Variants in CSPP1 observed in about 807,000 individuals in gnomAD.
The protein encoded by CSPP1 is centrosome and spindle pole-associated protein 1.
Under a neutral mutation model 164.4 loss-of-function variants are expected in CSPP1, and 126 were observed. The ratio of observed to expected loss-of-function variants is 0.77; its 90% CI spans 0.66 to 0.89. The LOEUF is 0.89. CSPP1 is among the 40% of genes least tolerant of loss of function. The pLI is 0.00. For missense variants in CSPP1, 1,395 were observed against 1,449.8 expected (o/e 0.96, Z 0.61); for synonymous variants, 472 against 476.7 (o/e 0.99, Z 0.13).
intron 15 of CSPP1, among the ~76,000 whole-genome samples, chr8:67,128,674 A>T (rs755154257): frequency 6.6e-6 from 1 of 152,204 alleles, no homozygotes; most frequent in African/African-American, 2.4e-5. Context: ...TAAGACCAGT[A>T]TGAAATGGAA....
Position 67,137,594 on chromosome 8 carries a change from A to AGTACGTT in CSPP1, c.1966_1967insGTACGTT (p.Asn656SerfsTer7). 1 of 1,543,318 alleles carries AGTACGTT rather than the reference A, an allele frequency of 6.5e-7. No homozygotes were observed. ...TGCTCCTCTCAGGGATGCAAAAGGA[A>AGTACGTT]ATCTGATAAGTACGTTATTTCTACT... On this transcript the variant is annotated frameshift_variant, in exon 17 of 31. Transcript: ENST00000678616. LOFTEE classifies it high-confidence loss of function.
intron 1 of CSPP1, 30 bp downstream of exon 1, chr8:67,064,568 T>G (rs1432094621): frequency 9.0e-6 from 14 of 1,557,486 alleles, no homozygotes; most frequent in Non-Finnish European, 1.2e-5. Flanking sequence ...AGGTTGAGGG[T>G]GGAGGGTCCT....
At chr8:67,158,398 T>C in intron 19 of CSPP1, 49 bp from the exon 20 acceptor site, 3 of 1,490,804 alleles carry the variant, frequency 2.0e-6, no homozygotes, top group Non-Finnish European at 2.7e-6. Flanking sequence ...AGTGATATTC[T>C]AACTTTTCAA....
intron 9 of CSPP1, among the ~76,000 whole-genome samples, chr8:67,108,853 G>T (rs1193193188): frequency 6.6e-6 from 1 of 152,170 alleles, no homozygotes; most frequent in African/African-American, 2.4e-5. Context: ...TGCTATATAA[G>T]AGTGTGGGAT....
chr8:67,101,686 G>A (rs1814154443), intron 7 of CSPP1, among the ~76,000 whole-genome samples: 1 of 152,186 alleles, frequency 6.6e-6, no homozygotes, highest in South Asian at 2.1e-4. Context: ...TTTCTCCACA[G>A]ATGATATTGA....
chr8:67,145,411 A>G (rs767600178), intron 17 of CSPP1, among the ~76,000 whole-genome samples: 1 of 149,560 alleles, frequency 6.7e-6, no homozygotes, highest in Non-Finnish European at 1.5e-5. Flanking sequence ...GTTTTCATTG[A>G]TTTTTTTTCT....
chr8:67,088,081 CT>C (rs1169676015), intron 4 of CSPP1, among the ~76,000 whole-genome samples: 1 of 152,176 alleles, frequency 6.6e-6, no homozygotes. Context: ...ACCTCATTAT[CT>C]TCCCCTTCCC....
intron 3 of CSPP1, among the ~76,000 whole-genome samples, chr8:67,078,906 G>A (rs1437993273): frequency 1.3e-5 from 2 of 152,078 alleles, no homozygotes; most frequent in Admixed American, 1.3e-4. Context: ...CTAGGAGGCG[G>A]AGGTTGCAGT....
intron 7 of CSPP1, among the ~76,000 whole-genome samples, chr8:67,100,034 T>C (rs1286845789): frequency 6.6e-6 from 1 of 152,192 alleles, no homozygotes; most frequent in Non-Finnish European, 1.5e-5. Context: ...CCTAAGATTT[T>C]ATTATCTTTT....
rs769879518 is a variant in CSPP1, at chr8:67,112,009, G to C, written c.1131G>C (p.Glu377Asp). ...GAGAACTTATTCAGAGAAGGAAAGA[G>C]AAATACAGACTAGAACTGTTGGAAC... ...EDRELIQRRK[E>D]KYRLELLEQM... The change falls in exon 10 of 31, where the codon GAG (glutamate) becomes GAC (aspartate). Residue 377 changes from glutamate (E) to aspartate (D), a missense_variant. Glu to Asp is a conservative substitution (Grantham distance 45). Transcript: ENST00000678616. 1.2e-6 allele frequency: 2 copies of C among 1,611,788 alleles called. No individual in the cohort carries two copies. The highest frequency in any genetic ancestry group is 2.2e-5 in the East Asian group (1 of 44,678).
At chr8:67,122,956 G>C (rs2129552283) in intron 15 of CSPP1, 1 of 152,958 alleles carries the variant, frequency 6.5e-6, no homozygotes, top group Non-Finnish European at 1.5e-5. Flanking sequence ...GAATACAGTT[G>C]TGAGACCATA....
intron 17 of CSPP1, 146 bp downstream of exon 17, chr8:67,137,749 AAATAT>A (rs1293995862): frequency 3.5e-5 from 15 of 423,750 alleles, no homozygotes; most frequent in Admixed American, 1.3e-4. Flanking sequence ...TTTTAAGAGT[AAATAT>A]AATAACAGAG....
At chr8:67,099,889 C>T (rs1813667623) in intron 7 of CSPP1, among the ~76,000 whole-genome samples, 1 of 151,972 alleles carries the variant, frequency 6.6e-6, no homozygotes, top group Admixed American at 6.6e-5. Flanking sequence ...AATTTCCCTT[C>T]AAGGTTTCTT....
At chr8:67,153,857 T>C (rs1413100208) in intron 18 of CSPP1, among the ~76,000 whole-genome samples, 167 bp from the exon 19 acceptor site, 2 of 152,064 alleles carry the variant, frequency 1.3e-5, no homozygotes, top group African/African-American at 2.4e-5. Flanking sequence ...CTCTTACTAC[T>C]GTTCATCTGA....
chr8:67,079,437 A>G (rs756097454), intron 3 of CSPP1, among the ~76,000 whole-genome samples: 5 of 152,150 alleles, frequency 3.3e-5, no homozygotes, highest in Non-Finnish European at 4.4e-5. Context: ...ACACAAGTCT[A>G]GTTGATTCTA....
At chr8:67,108,171 A>G (rs1324627182) in intron 9 of CSPP1, among the ~76,000 whole-genome samples, 1 of 151,782 alleles carries the variant, frequency 6.6e-6, no homozygotes, top group Non-Finnish European at 1.5e-5. Context: ...CAGGAGGATC[A>G]CTTGATTGAG....
At chr8:67,125,893 C>G (rs1195095635) in intron 15 of CSPP1, among the ~76,000 whole-genome samples, 1 of 152,170 alleles carries the variant, frequency 6.6e-6, no homozygotes, top group Non-Finnish European at 1.5e-5. Context: ...AGTGCAGTGG[C>G]CTGATCTCAG....
At chr8:67,069,516 G>A (rs948924361) in intron 1 of CSPP1, among the ~76,000 whole-genome samples, 6 of 151,768 alleles carry the variant, frequency 4.0e-5, no homozygotes, top group African/African-American at 1.5e-4. Context: ...ATCTTTCAAA[G>A]CCTGGTTAGA....
chr8:67,095,153 T>TTA, intron 6 of CSPP1, 140 bp from the exon 7 acceptor site: 1 of 455,162 alleles, frequency 2.2e-6, no homozygotes, highest in Non-Finnish European at 3.8e-6. Context: ...TGTAAAAACG[T>TTA]ATATATATAT....
Sources: gnomAD v4.1 joint callset for allele counts (sites outside exome capture counted in the v4.1 genomes callset) on GRCh38, gnomAD v4.1.1 for gene constraint, MANE v1.5 for transcripts, NCBI Gene and HGNC (gene_info 2026-07-23, HGNC 2026-07-21) for gene names.